Variants in SMARCA1 observed in about 807,000 individuals in gnomAD.
SMARCA1 encodes the protein SWI/SNF-related matrix-associated actin-dependent regulator of chromatin subfamily A member 1.
A neutral mutation model predicts 93.6 loss-of-function variants in SMARCA1; 17 were observed. The ratio of observed to expected loss-of-function variants is 0.18; its 90% CI spans 0.12 to 0.27. SMARCA1 has a LOEUF of 0.27. Among genes scored for constraint, SMARCA1 ranks in the 10% least tolerant of loss-of-function variants. The probability of loss-of-function intolerance (pLI) is 1.00; values close to 1 mark genes in which losing one functional copy is unlikely to be tolerated. For synonymous variants in SMARCA1, 271 were observed against 271.4 expected, an observed-to-expected ratio of 1.00 and a Z score of 0.01; for missense variants, 630 against 819.0, an observed-to-expected ratio of 0.77 and a Z score of 2.82.
intron 17 of SMARCA1, among the ~76,000 whole-genome samples, chrX:129,482,530 A>G (rs1189115427): frequency 9.0e-6 from 1 of 111,425 alleles, no homozygotes; most frequent in Non-Finnish European, 1.9e-5. Flanking sequence ...CTAGTTATAT[A>G]ACTTTGGGGA....
intron 16 of SMARCA1, among the ~76,000 whole-genome samples, chrX:129,488,285 G>GAAA (rs1933976334): frequency 1.9e-5 from 1 of 51,536 alleles, no homozygotes; most frequent in Non-Finnish European, 3.2e-5. Context: ...CTAGTCCAGT[G>GAAA]CAAAAAAAAA....
intron 11 of SMARCA1, among the ~76,000 whole-genome samples, chrX:129,497,452 C>T (rs1873755668): frequency 8.9e-6 from 1 of 111,937 alleles, no homozygotes; most frequent in South Asian, 3.8e-4. Flanking sequence ...GTACCATATG[C>T]TCTCTGTGTT....
At chrX:129,477,835 A>G (rs898676300) in intron 19 of SMARCA1, among the ~76,000 whole-genome samples, 5 of 106,017 alleles carry the variant, frequency 4.7e-5, no homozygotes, top group Non-Finnish European at 9.7e-5. Context: ...GGTTTCCTTT[A>G]CTCTAAAGCT....
chrX:129,462,796 T>C (rs1031233744), intron 23 of SMARCA1, among the ~76,000 whole-genome samples: 1 of 111,012 alleles, frequency 9.0e-6, no homozygotes, highest in African/African-American at 3.3e-5. Context: ...AGTTAATATG[T>C]GCTTTTTGGA....
chrX:129,450,211 T>C (rs993820289), intron 23 of SMARCA1, among the ~76,000 whole-genome samples: 5 of 111,770 alleles, frequency 4.5e-5, no homozygotes, highest in African/African-American at 1.3e-4. Context: ...AGGACTGGTG[T>C]CCTTGTAAGA....
At chrX:129,472,531 A>G (rs1209658452) in intron 19 of SMARCA1, among the ~76,000 whole-genome samples, 2 of 111,996 alleles carry the variant, frequency 1.8e-5, no homozygotes, top group Non-Finnish European at 3.8e-5. Context: ...TTCTTCAGGT[A>G]TAAAACCTAA....
chrX:129,465,135 C>T (rs1350172911), intron 23 of SMARCA1, among the ~76,000 whole-genome samples: 1 of 111,289 alleles, frequency 9.0e-6, no homozygotes, highest in Non-Finnish European at 1.9e-5. Context: ...AATGACATTA[C>T]TGAATCAATG....
chrX:129,474,468 G>GT (rs755428445), intron 19 of SMARCA1, among the ~76,000 whole-genome samples: 7 of 111,256 alleles, frequency 6.3e-5, no homozygotes, highest in Admixed American at 3.8e-4. Context: ...AAATAAAACT[G>GT]TTTATTCCCA....
rs759008314 is a variant in SMARCA1 at position 129,490,048 on chromosome X, A to G, written c.1948+12T>C. 1.8e-6 allele frequency: 2 copies of G among 1,138,903 alleles called. No homozygotes were observed. Among genetic ancestry groups the G allele is most frequent in the East Asian group, 3.0e-5 (1 of 33,183 alleles). 93.9% of individuals were successfully genotyped at this position (1,138,903 alleles called of 1,213,427 possible). ...ACAAAAAACACCTAATTAAGTTTCT[A>G]TGTATAAATACCTTGTTGTATAACA... On this transcript the variant is annotated intron_variant, in intron 15 of 24. Coordinates refer to ENST00000371121, the MANE Select transcript of SMARCA1 (RefSeq NM_001282874.2).
At chrX:129,468,247 G>A (rs1244261114) in intron 21 of SMARCA1, among the ~76,000 whole-genome samples, 2 of 112,278 alleles carry the variant, frequency 1.8e-5, no homozygotes, top group Non-Finnish European at 3.8e-5. Flanking sequence ...GAGGATTTGA[G>A]GACCAGTTAA....
intron 12 of SMARCA1, among the ~76,000 whole-genome samples, chrX:129,495,601 T>G (rs2033331766): frequency 9.0e-6 from 1 of 110,768 alleles, no homozygotes; most frequent in South Asian, 3.9e-4. Flanking sequence ...CTTTACTGAC[T>G]AGCCTCAAGC....
chrX:129,518,524 A>G (rs1313767481), intron 1 of SMARCA1, 77 bp from the exon 2 acceptor site: 3 of 547,050 alleles, frequency 5.5e-6, no homozygotes, highest in Non-Finnish European at 9.0e-6. Flanking sequence ...TCATTAGAAG[A>G]AGGCGGAAAG....
chrX:129,489,627 G>T (rs994904480), intron 15 of SMARCA1, among the ~76,000 whole-genome samples: 1 of 112,168 alleles, frequency 8.9e-6, no homozygotes, highest in Non-Finnish European at 1.9e-5. Flanking sequence ...GCGCGATCTC[G>T]GCTCACTGCA....
intron 12 of SMARCA1, 45 bp downstream of exon 12, chrX:129,496,705 T>C (rs1357806340): frequency 8.6e-7 from 1 of 1,169,331 alleles, no homozygotes; most frequent in Non-Finnish European, 1.2e-6. Flanking sequence ...CATTGCTTAA[T>C]TGAACTCTGA....
chrX:129,481,659 A>G (rs964848815), intron 17 of SMARCA1, among the ~76,000 whole-genome samples: 2 of 111,579 alleles, frequency 1.8e-5, no homozygotes. Context: ...TTAGAATGGC[A>G]ATCATTGAAA....
At chrX:129,480,993 G>T (rs761070332) in intron 18 of SMARCA1, 82 bp downstream of exon 18, 7 of 626,900 alleles carry the variant, frequency 1.1e-5, no homozygotes, top group Non-Finnish European at 1.8e-5. Flanking sequence ...ATTTGGCAAT[G>T]ATACAAGTAA....
intron 9 of SMARCA1, 22 bp downstream of exon 9, chrX:129,504,712 G>A: frequency 3.7e-6 from 4 of 1,093,064 alleles, no homozygotes; most frequent in Non-Finnish European, 5.1e-6. Flanking sequence ...ATTACTGAAT[G>A]TTCTTGTCTG....
chrX:129,523,135 GGCCCCT>G, intron 1 of SMARCA1, 56 bp downstream of exon 1: 1 of 1,146,052 alleles, frequency 8.7e-7, no homozygotes, highest in Non-Finnish European at 1.2e-6. Flanking sequence ...TCAGGGTTTG[GGCCCCT>G]CAGAGGGGCC....
At chrX:129,508,457 AC>A (rs1934903805) in intron 6 of SMARCA1, among the ~76,000 whole-genome samples, 1 of 112,599 alleles carries the variant, frequency 8.9e-6, no homozygotes, top group Non-Finnish European at 1.9e-5. Context: ...TTTCTGAACA[AC>A]ATATTCTTGC....
Sources: allele counts gnomAD v4.1 joint callset (sites outside exome capture counted in the v4.1 genomes callset), GRCh38; gene constraint gnomAD v4.1.1; transcripts MANE v1.5; gene names NCBI Gene and HGNC (gene_info 2026-07-23, HGNC 2026-07-21).